The following DLGAP4 variants were observed in gnomAD, a reference collection of about 807,000 sequenced individuals.
DLGAP4 encodes disks large-associated protein 4.
DLGAP4 carries 18 observed loss-of-function variants against 86.9 expected under a neutral mutation model. That is an observed-to-expected ratio of 0.21 (90% CI 0.14 to 0.31). The LOEUF (loss-of-function observed/expected upper bound fraction) is 0.31. Ranked by LOEUF, DLGAP4 falls within the 10% of genes least tolerant of loss-of-function variation. The pLI, the probability that DLGAP4 is intolerant of heterozygous loss-of-function variation, is 1.00. For synonymous variants in DLGAP4, 548 were observed against 574.3 expected (o/e 0.95, Z 0.65); for missense variants, 1,085 against 1,362.6 (o/e 0.80, Z 3.21).
intron 2 of DLGAP4, among the ~76,000 whole-genome samples, chr20:36,409,801 A>G (rs1454143954): frequency 1.3e-5 from 2 of 151,970 alleles, no homozygotes; most frequent in African/African-American, 4.8e-5. Context: ...TGGGAGGCCA[A>G]GGTGGGCGGA....
intron 6 of DLGAP4, among the ~76,000 whole-genome samples, chr20:36,445,726 T>A (rs1161731646): frequency 6.6e-6 from 1 of 152,186 alleles, no homozygotes. Context: ...TTCCTCCACA[T>A]GGTCAGTCAG....
At chr20:36,331,431 C>G (rs1167190888) in intron 1 of DLGAP4, among the ~76,000 whole-genome samples, 4 of 152,240 alleles carry the variant, frequency 2.6e-5, no homozygotes, top group Non-Finnish European at 5.9e-5. Flanking sequence ...CATTACCTCC[C>G]TTTGCTGTGG....
chr20:36,461,462 T>C (rs1422460286), intron 7 of DLGAP4: 16 of 977,960 alleles, frequency 1.6e-5, no homozygotes, highest in Admixed American at 6.4e-5. Context: ...GCCCCGCCCC[T>C]CGGGCGTACA....
chr20:36,448,042 C>CAA (rs59129162), intron 7 of DLGAP4, among the ~76,000 whole-genome samples: 1,715 of 139,120 alleles, frequency 0.012, 43 homozygotes, highest in African/African-American at 0.042. Context: ...TTAAGATGGT[C>CAA]AAAAAAAAAA....
At chr20:36,467,018 CTCTCTCTCTCT>C (rs2034415023) in intron 7 of DLGAP4, among the ~76,000 whole-genome samples, 1 of 2,382 alleles carries the variant, frequency 4.2e-4, no homozygotes, top group African/African-American at 9.7e-4. Flanking sequence ...TCTCTCTCTC[CTCTCTCTCTCT>C]CTCTCTCTCT....
intron 7 of DLGAP4, chr20:36,461,994 A>G: frequency 1.0e-6 from 1 of 984,046 alleles, no homozygotes; most frequent in Non-Finnish European, 1.2e-6. Flanking sequence ...GCGCCCCCAG[A>G]TCTTTTGGGG....
intron 4 of DLGAP4, among the ~76,000 whole-genome samples, chr20:36,438,804 G>A (rs2033363350): frequency 6.7e-6 from 1 of 149,712 alleles, no homozygotes; most frequent in Non-Finnish European, 1.5e-5. Context: ...CACCTCCCGG[G>A]TTCAAGCAAT....
intron 7 of DLGAP4, among the ~76,000 whole-genome samples, chr20:36,487,541 G>GTACCTAAGT (rs2035470514): frequency 6.6e-6 from 1 of 152,210 alleles, no homozygotes; most frequent in South Asian, 2.1e-4. Flanking sequence ...ACGAGCTAAG[G>GTACCTAAGT]TACCTAAGTT....
chr20:36,486,870 C>T (rs963482005), intron 7 of DLGAP4, among the ~76,000 whole-genome samples: 1 of 151,988 alleles, frequency 6.6e-6, no homozygotes, highest in Non-Finnish European at 1.5e-5. Flanking sequence ...CGTCAGCCTC[C>T]CATAGTGCTG....
chr20:36,462,778 C>G (rs2034157675), intron 7 of DLGAP4, among the ~76,000 whole-genome samples: 2 of 152,158 alleles, frequency 1.3e-5, no homozygotes, highest in Admixed American at 6.5e-5. Flanking sequence ...GAGTGGGGGG[C>G]CTTCCTGCTC....
chr20:36,310,976 A>T (rs2065048295), intron 1 of DLGAP4, among the ~76,000 whole-genome samples: 2 of 151,930 alleles, frequency 1.3e-5, no homozygotes, highest in African/African-American at 4.8e-5. Context: ...TTTCATTGTG[A>T]CCTATGGGGG....
intron 1 of DLGAP4, among the ~76,000 whole-genome samples, chr20:36,309,158 C>A (rs2065031319): frequency 6.6e-6 from 1 of 152,200 alleles, no homozygotes; most frequent in Non-Finnish European, 1.5e-5. Flanking sequence ...GCTCATCACC[C>A]AAGCTTAAGC....
chr20:36,320,791 C>T (rs561578993), intron 1 of DLGAP4, among the ~76,000 whole-genome samples: 3 of 152,204 alleles, frequency 2.0e-5, no homozygotes, highest in South Asian at 2.1e-4. Context: ...CGACTTTGGA[C>T]GGGTCTCCCT....
intron 1 of DLGAP4, among the ~76,000 whole-genome samples, chr20:36,349,374 C>T (rs1258981191): frequency 1.3e-4 from 20 of 149,326 alleles, no homozygotes; most frequent in Non-Finnish European, 3.0e-4. Context: ...GCCGAGATCA[C>T]GCCACTGCAC....
chr20:36,312,144 C>T (rs1186263782), intron 1 of DLGAP4, among the ~76,000 whole-genome samples: 1 of 152,170 alleles, frequency 6.6e-6, no homozygotes, highest in Non-Finnish European at 1.5e-5. Flanking sequence ...CAGAGGAGAA[C>T]TGTGGCCTCT....
chr20:36,353,106 C>T (rs1401797416), intron 1 of DLGAP4, among the ~76,000 whole-genome samples: 1 of 152,118 alleles, frequency 6.6e-6, no homozygotes, highest in Admixed American at 6.5e-5. Flanking sequence ...CTGGGGCAGC[C>T]TCAGAGACTT....
intron 2 of DLGAP4, among the ~76,000 whole-genome samples, chr20:36,416,864 A>C (rs1221442241): frequency 6.6e-6 from 1 of 152,138 alleles, no homozygotes; most frequent in Non-Finnish European, 1.5e-5. Flanking sequence ...CTTCTCTCCC[A>C]TCGGGCAGCT....
intron 7 of DLGAP4, among the ~76,000 whole-genome samples, chr20:36,496,130 C>T (rs1287412776): frequency 6.6e-6 from 1 of 152,100 alleles, no homozygotes; most frequent in Non-Finnish European, 1.5e-5. Context: ...CTTCAGCCTC[C>T]CAAAATGCTG....
rs988981156 is a variant in DLGAP4, at chr20:36,527,275, T to C, written c.*244T>C. ...TCACGAAACTAGAAAACTTTTTTTT[T>C]CCTCTTGCTGGCCGTGGTGGACTAG... On this transcript the variant is annotated 3_prime_UTR_variant, in exon 13 of 13. Coordinates refer to ENST00000339266, the MANE Select transcript of DLGAP4 (RefSeq NM_001365621.2). 4 of 405,122 alleles carry C rather than the reference T, an allele frequency of 9.9e-6. No homozygotes were observed. The highest frequency in any genetic ancestry group is 6.1e-5 in the African/African-American group (3 of 49,394). The allele number at this position is 405,122 out of a possible 1,614,324, so 25.1% of individuals were successfully genotyped here.
Sources: allele counts gnomAD v4.1 joint callset (sites outside exome capture counted in the v4.1 genomes callset), GRCh38; gene constraint gnomAD v4.1.1; transcripts MANE v1.5; gene names NCBI Gene and HGNC (gene_info 2026-07-23, HGNC 2026-07-21).